Variants in HDAC4 observed in about 807,000 individuals in gnomAD.
HDAC4 encodes histone deacetylase A.
In HDAC4, 16 loss-of-function variants were observed where a neutral mutation model predicts 135.1. That is an observed-to-expected ratio of 0.12 (90% CI 0.08 to 0.18). The LOEUF (loss-of-function observed/expected upper bound fraction) is 0.18, where lower values mean the gene tolerates loss of function less well. HDAC4 is among the 10% of genes least tolerant of loss of function. The pLI is 1.00. For missense variants in HDAC4, 1,143 were observed against 1,511.8 expected (o/e 0.76, Z 4.05); for synonymous variants, 685 against 653.4 (o/e 1.05, Z -0.74).
At chr2:239,193,679 G>A (rs56758760) in intron 3 of HDAC4, among the ~76,000 whole-genome samples, 3 of 152,238 alleles carry the variant, frequency 2.0e-5, no homozygotes, top group Admixed American at 1.3e-4. Context: ...AGCCAAGAGC[G>A]CGAGGGGAAG....
At chr2:239,278,890 T>C (rs1368343405) in intron 2 of HDAC4, among the ~76,000 whole-genome samples, 1 of 152,162 alleles carries the variant, frequency 6.6e-6, no homozygotes, top group African/African-American at 2.4e-5. Flanking sequence ...AGTGTGGACA[T>C]GTAGTCCCAG....
intron 3 of HDAC4, among the ~76,000 whole-genome samples, chr2:239,212,802 A>T (rs1049075785): frequency 5.9e-5 from 9 of 152,186 alleles, no homozygotes; most frequent in African/African-American, 2.2e-4. Flanking sequence ...ATCCAGGACC[A>T]CCAGGAAGTG....
At chr2:239,225,181 G>A (rs2047170634) in intron 3 of HDAC4, among the ~76,000 whole-genome samples, 1 of 152,110 alleles carries the variant, frequency 6.6e-6, no homozygotes, top group African/African-American at 2.4e-5. Context: ...GAAACACCAA[G>A]ACTTTATGAA....
chr2:239,192,203 G>C (rs1002280132), intron 3 of HDAC4, among the ~76,000 whole-genome samples: 5 of 114,168 alleles, frequency 4.4e-5, no homozygotes, highest in South Asian at 5.9e-4. Flanking sequence ...ACTGTTCCAT[G>C]TGCAGGAGCA....
chr2:239,376,486 C>A (rs909506077), intron 1 of HDAC4, among the ~76,000 whole-genome samples: 4 of 150,548 alleles, frequency 2.7e-5, no homozygotes, highest in African/African-American at 9.7e-5. Flanking sequence ...GATGTCACCA[C>A]CGCGCCATCA....
intron 2 of HDAC4, among the ~76,000 whole-genome samples, chr2:239,322,683 T>A (rs1487156035): frequency 6.6e-6 from 1 of 152,196 alleles, no homozygotes; most frequent in African/African-American, 2.4e-5. Context: ...AAGAGGTGTC[T>A]TGACTGGCTG....
intron 12 of HDAC4, among the ~76,000 whole-genome samples, chr2:239,118,153 T>A (rs1449654415): frequency 6.6e-6 from 1 of 152,158 alleles, no homozygotes; most frequent in African/African-American, 2.4e-5. Context: ...CTGCTGTGCC[T>A]CACTGTGGAA....
In HDAC4 at chr2:239,068,413, G is replaced by A. The variant is rs2033802299; in HGVS notation, c.2869+76C>T. ...CTTCCTTATCTCGTTATTAAAAAGG[G>A]GACCTGACACGCGGAACACAGCGGA... is the stretch of plus-strand genomic sequence containing the variant. On this transcript the variant is annotated intron_variant, in intron 23 of 26. Transcript: ENST00000543185. The surrounding 1 kb of genome is among the most constrained non-coding windows in gnomAD (Gnocchi z 4.4). 9.6e-7 allele frequency: 1 copy of A among 1,046,560 alleles called. No homozygotes were observed. The highest frequency in any genetic ancestry group is 1.5e-6 in the Non-Finnish European group (1 of 665,254). The allele number at this position is 1,046,560 out of a possible 1,614,324, so 64.8% of individuals were successfully genotyped here. A position where few individuals can be genotyped will look rare whatever the true frequency, so the allele number is the denominator to read the frequency against.
At chr2:239,222,048 G>A (rs2046985718) in intron 3 of HDAC4, among the ~76,000 whole-genome samples, 1 of 152,178 alleles carries the variant, frequency 6.6e-6, no homozygotes, top group Non-Finnish European at 1.5e-5. Flanking sequence ...TAAACTTGCT[G>A]CCATAAGGGG....
chr2:239,198,565 G>C (rs1195930274), intron 3 of HDAC4, among the ~76,000 whole-genome samples: 1 of 152,104 alleles, frequency 6.6e-6, no homozygotes, highest in Non-Finnish European at 1.5e-5. Flanking sequence ...GAGGCGCTCA[G>C]GATCATAGTC....
chr2:239,342,833 C>T (rs980525519), intron 2 of HDAC4, among the ~76,000 whole-genome samples: 3 of 145,368 alleles, frequency 2.1e-5, no homozygotes, highest in Admixed American at 7.0e-5. Context: ...ACCAAGAGCC[C>T]GCAGGCCCAG....
At chr2:239,074,226 C>T (rs758505903) in intron 22 of HDAC4, among the ~76,000 whole-genome samples, 2 of 152,220 alleles carry the variant, frequency 1.3e-5, no homozygotes, top group Non-Finnish European at 2.9e-5. Flanking sequence ...CATTTCCAGC[C>T]ATGCTTTTGG....
At chr2:239,058,122 T>C (rs1166979720) in intron 24 of HDAC4, among the ~76,000 whole-genome samples, 1 of 152,214 alleles carries the variant, frequency 6.6e-6, no homozygotes, top group African/African-American at 2.4e-5. Context: ...GGCACCCTAA[T>C]TGGGGCTGGC....
intron 24 of HDAC4, among the ~76,000 whole-genome samples, chr2:239,060,067 G>A (rs578235205): frequency 2.6e-5 from 4 of 152,310 alleles, no homozygotes; most frequent in South Asian, 2.1e-4. Context: ...CCAGTCCTCC[G>A]CCGGTGGAAA....
intron 15 of HDAC4, among the ~76,000 whole-genome samples, chr2:239,107,706 C>T (rs1190151185): frequency 2.0e-5 from 3 of 152,254 alleles, no homozygotes; most frequent in Non-Finnish European, 4.4e-5. Flanking sequence ...ATGGTGGGAA[C>T]TGGTTTCCTT....
At chr2:239,118,027 C>T (rs2039299853) in intron 12 of HDAC4, among the ~76,000 whole-genome samples, 1 of 152,168 alleles carries the variant, frequency 6.6e-6, no homozygotes, top group Non-Finnish European at 1.5e-5. Context: ...GGTGGGCACT[C>T]AGTGTCCGCT....
intron 3 of HDAC4, among the ~76,000 whole-genome samples, chr2:239,202,370 G>A (rs947562406): frequency 2.0e-5 from 3 of 152,224 alleles, no homozygotes; most frequent in East Asian, 1.9e-4. Flanking sequence ...CTTAAGACAC[G>A]AGAAGAAACA....
At chr2:239,373,982 C>A (rs1301987966) in intron 1 of HDAC4, among the ~76,000 whole-genome samples, 1 of 152,148 alleles carries the variant, frequency 6.6e-6, no homozygotes, top group African/African-American at 2.4e-5. Flanking sequence ...AATTGACCAG[C>A]CACTGAAAAA....
chr2:239,111,949 C>T (rs997927760), intron 13 of HDAC4, among the ~76,000 whole-genome samples: 3 of 152,158 alleles, frequency 2.0e-5, no homozygotes, highest in African/African-American at 7.2e-5. Flanking sequence ...GACGGTCTCT[C>T]TAGGGAAGGC....
Sources: gnomAD v4.1 joint callset for allele counts (sites outside exome capture counted in the v4.1 genomes callset) on GRCh38, gnomAD v4.1.1 for gene constraint, Gnocchi (gnomAD v3.1) non-coding constraint, MANE v1.5 for transcripts, NCBI Gene and HGNC (gene_info 2026-07-23, HGNC 2026-07-21) for gene names.